Variants in TMEM132D observed in about 807,000 individuals in gnomAD.
The protein encoded by TMEM132D is transmembrane protein 132D.
A neutral mutation model predicts 62.3 loss-of-function variants in TMEM132D; 21 were observed. The observed-to-expected ratio is 0.34, with a 90% CI of 0.24 to 0.49. TMEM132D has a LOEUF of 0.49. TMEM132D is among the 20% of genes least tolerant of loss of function. The pLI is 0.99. For synonymous variants in TMEM132D, 621 were observed against 575.6 expected, an observed-to-expected ratio of 1.08 and a Z score of -1.13; for missense variants, 1,346 against 1,402.8, an observed-to-expected ratio of 0.96 and a Z score of 0.65.
At chr12:129,154,282 T>C (rs1343326257) in intron 5 of TMEM132D, among the ~76,000 whole-genome samples, 2 of 152,198 alleles carry the variant, frequency 1.3e-5, no homozygotes, top group African/African-American at 4.8e-5. Flanking sequence ...ACAAGAGGGC[T>C]GTGCACTCTA....
intron 5 of TMEM132D, among the ~76,000 whole-genome samples, chr12:129,154,248 CAGG>C (rs1446835400): frequency 6.6e-6 from 1 of 152,092 alleles, no homozygotes; most frequent in African/African-American, 2.4e-5. Context: ...GAGAGAGCAT[CAGG>C]AGAAGAACCA....
At chr12:129,230,246 T>A in intron 4 of TMEM132D, among the ~76,000 whole-genome samples, 1 of 150,078 alleles carries the variant, frequency 6.7e-6, no homozygotes, top group African/African-American at 2.5e-5. Flanking sequence ...CTTCCTCAGC[T>A]CCTTCTGTGT....
intron 2 of TMEM132D, among the ~76,000 whole-genome samples, chr12:129,653,658 G>A (rs1488924275): frequency 6.6e-6 from 1 of 152,060 alleles, no homozygotes; most frequent in African/African-American, 2.4e-5. Context: ...CCTTATTGTT[G>A]TCATTATCAC....
chr12:129,234,782 A>G (rs1418208285), intron 4 of TMEM132D, among the ~76,000 whole-genome samples: 1 of 152,218 alleles, frequency 6.6e-6, no homozygotes, highest in Non-Finnish European at 1.5e-5. Flanking sequence ...ATTGTGGGAG[A>G]GTATAATGAT....
At position 129,074,259 on chromosome 12, in the gene TMEM132D, C is replaced by G. The variant is rs2135602380; in HGVS notation, c.2916G>C (p.Glu972Asp). ...HDWVGLSNRT[E>D]LLENHINFAS... ...CAAAGTTGATGTGATTCTCCAACAGCTCTGTCCGGTTGCTTAACCCAACCC... is the reference window on the plus strand; with the variant it reads ...CAAAGTTGATGTGATTCTCCAACAGGTCTGTCCGGTTGCTTAACCCAACCC... Residue 972 changes from glutamate (E) to aspartate (D), a missense_variant, in exon 9 of 9, where the codon GAG becomes GAC. By Grantham distance (45) the Glu-to-Asp change is conservative (BLOSUM62 2). Transcript: ENST00000422113. 6.2e-7 allele frequency: 1 copy of G among 1,614,122 alleles called. No homozygotes were observed. The highest frequency in any genetic ancestry group is 8.5e-7 in the Non-Finnish European group (1 of 1,180,026).
intron 7 of TMEM132D, among the ~76,000 whole-genome samples, 158 bp from the exon 8 acceptor site, chr12:129,078,883 CAT>C (rs1372206882): frequency 6.6e-6 from 1 of 152,182 alleles, no homozygotes; most frequent in African/African-American, 2.4e-5. Flanking sequence ...CCTTCTGAAT[CAT>C]ATGTATTGCT....
At position 129,335,278 on chromosome 12, in the gene TMEM132D, T is replaced by G. The variant is rs1241135063; in HGVS notation, c.1299+2356A>C. On this transcript the variant is annotated intron_variant, in intron 4 of 8. Transcript: ENST00000422113. Reference sequence around the variant, plus strand: ...TCCCAAGTAGCTAAGATTATCGGCATGTGCCATCACACCTGGCTAAGTTTT... The same window carrying G: ...TCCCAAGTAGCTAAGATTATCGGCAGGTGCCATCACACCTGGCTAAGTTTT... Among the ~76,000 whole-genome samples, 4 of 152,108 alleles carry G rather than the reference T, an allele frequency of 2.6e-5. No homozygotes were observed. The East Asian group carries it at 7.8e-4, about 30-fold the overall frequency.
At chr12:129,297,872 C>T (rs2135624657) in intron 4 of TMEM132D, among the ~76,000 whole-genome samples, 1 of 152,244 alleles carries the variant, frequency 6.6e-6, no homozygotes, top group African/African-American at 2.4e-5. Flanking sequence ...ACTTAAGCAG[C>T]CAGTATCTTG....
intron 2 of TMEM132D, among the ~76,000 whole-genome samples, chr12:129,688,447 T>C (rs1421353564): frequency 6.6e-6 from 1 of 152,146 alleles, no homozygotes; most frequent in Non-Finnish European, 1.5e-5. Context: ...GCCATTGCTA[T>C]TGAAAACAAC....
rs974122263 is a variant in TMEM132D at position 129,659,287 on chromosome 12, T to A, written c.968+40523A>T. On this transcript the variant is annotated intron_variant, in intron 2 of 8. Transcript: ENST00000422113. ...TCGATGGCTGTTTTAAATCACTAAGTGTGGGGTGGTTACTGATACAGTGAT... is the reference window on the plus strand; with the variant it reads ...TCGATGGCTGTTTTAAATCACTAAGAGTGGGGTGGTTACTGATACAGTGAT... Among the ~76,000 whole-genome samples the A allele has an allele frequency of 5.3e-5, 8 of 152,118 alleles. No individual in the cohort carries two copies. In the East Asian group the frequency reaches 1.5e-3, roughly 29 times the overall value.
chr12:129,563,592 C>A (rs1328963882), intron 2 of TMEM132D, among the ~76,000 whole-genome samples: 3 of 152,088 alleles, frequency 2.0e-5, no homozygotes, highest in Admixed American at 2.0e-4. Flanking sequence ...TCTGAAAAAT[C>A]TGAAGTGCAT....
chr12:129,174,600 G>T (rs1224148329), intron 5 of TMEM132D, among the ~76,000 whole-genome samples: 1 of 152,124 alleles, frequency 6.6e-6, no homozygotes, highest in Non-Finnish European at 1.5e-5. Flanking sequence ...ACCCAGTAAT[G>T]AGATTGCTGG....
At chr12:129,774,660 G>A (rs1356768957) in intron 1 of TMEM132D, among the ~76,000 whole-genome samples, 2 of 152,204 alleles carry the variant, frequency 1.3e-5, no homozygotes, top group African/African-American at 4.8e-5. Context: ...CCAAGTCTCT[G>A]ATGGAATGTG....
At chr12:129,314,582 A>T (rs1199088961) in intron 4 of TMEM132D, among the ~76,000 whole-genome samples, 1 of 152,186 alleles carries the variant, frequency 6.6e-6, no homozygotes, top group Admixed American at 6.5e-5. Flanking sequence ...CTTTTTGCTT[A>T]GTCTTGCTTT....
chr12:129,780,330 T>G (rs1871080838), intron 1 of TMEM132D, among the ~76,000 whole-genome samples: 1 of 92,384 alleles, frequency 1.1e-5, no homozygotes, highest in African/African-American at 4.2e-5. Context: ...GTAGAATTTG[T>G]TGGTGGGGAG....
chr12:129,718,375 A>ATGGAGGAAC, intron 1 of TMEM132D, among the ~76,000 whole-genome samples: 1 of 152,200 alleles, frequency 6.6e-6, no homozygotes, highest in African/African-American at 2.4e-5. Flanking sequence ...CCCAGAGGAC[A>ATGGAGGAAC]TGGAGGAACG....
chr12:129,259,376 C>A (rs34776063), intron 4 of TMEM132D, among the ~76,000 whole-genome samples: 35,908 of 151,892 alleles, frequency 0.24, 4,449 homozygotes, highest in South Asian at 0.3. Flanking sequence ...TTGTTCCAGG[C>A]AAGGGAGGAA....
intron 3 of TMEM132D, among the ~76,000 whole-genome samples, chr12:129,417,146 T>C (rs1872147284): frequency 6.6e-6 from 1 of 152,214 alleles, no homozygotes; most frequent in African/African-American, 2.4e-5. Flanking sequence ...TTTGTACCTC[T>C]GGTAGAATTC....
intron 3 of TMEM132D, among the ~76,000 whole-genome samples, chr12:129,415,566 G>GGCCA (rs1223142375): frequency 6.6e-6 from 1 of 152,212 alleles, no homozygotes; most frequent in Non-Finnish European, 1.5e-5. Context: ...CAGGAACTGT[G>GGCCA]ACTCACAAGA....
Sources: gnomAD v4.1 joint callset for allele counts (sites outside exome capture counted in the v4.1 genomes callset) on GRCh38, gnomAD v4.1.1 for gene constraint, MANE v1.5 for transcripts, NCBI Gene and HGNC (gene_info 2026-07-23, HGNC 2026-07-21) for gene names.